The following CHD6 variants were observed in gnomAD, a reference collection of about 807,000 sequenced individuals.
CHD6 encodes the protein ATP-dependent chromatin remodeler CHD6.
A neutral mutation model predicts 276.9 loss-of-function variants in CHD6; 50 were observed. The observed-to-expected ratio is 0.18, with a 90% confidence interval of 0.14 to 0.23. The LOEUF (loss-of-function observed/expected upper bound fraction) is 0.23, where lower values mean the gene tolerates loss of function less well. Ranked by LOEUF, CHD6 falls within the 10% of genes least tolerant of loss-of-function variation. The pLI, the probability that CHD6 is intolerant of heterozygous loss-of-function variation, is 1.00. For synonymous variants in CHD6, 1,173 were observed against 1,229.3 expected, an observed-to-expected ratio of 0.95 and a Z score of 0.96; for missense variants, 2,564 against 3,365.8, an observed-to-expected ratio of 0.76 and a Z score of 5.89.
chr20:41,439,949 A>C, intron 26 of CHD6, 51 bp downstream of exon 26: 4 of 1,597,880 alleles, frequency 2.5e-6, no homozygotes, highest in Non-Finnish European at 3.4e-6. Context: ...AAGGGGTCAC[A>C]GATCAGTGGC....
intron 20 of CHD6, among the ~76,000 whole-genome samples, chr20:41,453,587 C>T (rs1410687739): frequency 1.3e-5 from 2 of 152,144 alleles, no homozygotes; most frequent in South Asian, 2.1e-4. Flanking sequence ...CTGACTACTC[C>T]TCCACACAGC....
chr20:41,477,583 C>T (rs1185655832), intron 16 of CHD6, among the ~76,000 whole-genome samples: 3 of 152,082 alleles, frequency 2.0e-5, no homozygotes, highest in Admixed American at 6.6e-5. Context: ...TCTTTGATCT[C>T]TCCAAACCTC....
chr20:41,595,874 G>C (rs549363677), intron 1 of CHD6, among the ~76,000 whole-genome samples: 1 of 151,800 alleles, frequency 6.6e-6, no homozygotes, highest in African/African-American at 2.4e-5. Flanking sequence ...AATGACAAAA[G>C]TCCTGTCTCC....
At chr20:41,539,604 G>A (rs2044901218) in intron 2 of CHD6, among the ~76,000 whole-genome samples, 1 of 152,218 alleles carries the variant, frequency 6.6e-6, no homozygotes. Flanking sequence ...CCACTGCCCA[G>A]GGAGTGACCT....
intron 1 of CHD6, among the ~76,000 whole-genome samples, chr20:41,606,653 C>A (rs188409375): frequency 8.7e-4 from 124 of 142,904 alleles, no homozygotes; most frequent in African/African-American, 3.2e-3. Context: ...TCAGCCTGGG[C>A]AACAGAGCAA....
In CHD6 at chr20:41,571,960, C is replaced by T. The variant is rs142872256; in HGVS notation, c.-23-20600G>A. ...CTTTTCCCCAAAAGTAACCACTAGCCTGACTTCTAACAATGTAGATTAGTT... is the reference window on the plus strand; with the variant it reads ...CTTTTCCCCAAAAGTAACCACTAGCTTGACTTCTAACAATGTAGATTAGTT... On this transcript the variant is annotated intron_variant, in intron 1 of 36. Transcript: ENST00000373233. Among the ~76,000 whole-genome samples, 80 of 152,340 alleles carry T rather than the reference C, an allele frequency of 5.3e-4. No individual in the cohort carries two copies. In the East Asian group the frequency reaches 0.012, roughly 24 times the overall value.
intron 18 of CHD6, 106 bp from the exon 19 acceptor site, chr20:41,456,085 A>G (rs2048369671): frequency 9.3e-7 from 1 of 1,080,884 alleles, no homozygotes; most frequent in Admixed American, 2.8e-5. Flanking sequence ...CATGAACTAC[A>G]TGTTAGAACA....
intron 16 of CHD6, among the ~76,000 whole-genome samples, chr20:41,480,950 T>C (rs2043281353): frequency 6.6e-6 from 1 of 151,976 alleles, no homozygotes; most frequent in Non-Finnish European, 1.5e-5. Context: ...GAAGAAGCCA[T>C]AAACATGAAA....
At chr20:41,599,248 G>A (rs556362421) in intron 1 of CHD6, among the ~76,000 whole-genome samples, 171 of 152,308 alleles carry the variant, frequency 1.1e-3, no homozygotes, top group Non-Finnish European at 1.7e-3. Flanking sequence ...AAAGGTGGGA[G>A]TCTGTGTCAT....
Position 41,413,549 on chromosome 20 carries a change from G to T in CHD6, c.6940-34C>A. 2.1e-6 allele frequency: 3 copies of T among 1,432,698 alleles called. No individual in the cohort carries two copies. The South Asian group carries it at 4.2e-5, about 20-fold the overall frequency. 88.7% of individuals were successfully genotyped at this position (1,432,698 alleles called of 1,614,324 possible). On this transcript the variant is annotated intron_variant, in intron 34 of 36. Coordinates refer to ENST00000373233, the MANE Select transcript of CHD6 (RefSeq NM_032221.5). ...AGGAAAAACGAGTATGTATAATCAC[G>T]ACACAATGAAAATTAGTTTCTAAAG...
chr20:41,538,703 G>A (rs2044883049), intron 2 of CHD6, among the ~76,000 whole-genome samples: 1 of 152,176 alleles, frequency 6.6e-6, no homozygotes, highest in African/African-American at 2.4e-5. Flanking sequence ...AAATATTGCT[G>A]GCAAGAGTAT....
intron 3 of CHD6, 97 bp downstream of exon 3, chr20:41,532,953 G>GC: frequency 7.4e-7 from 1 of 1,354,600 alleles, no homozygotes; most frequent in Non-Finnish European, 9.9e-7. Context: ...CCACAGGAGT[G>GC]CAGCAGGGTT....
intron 1 of CHD6, among the ~76,000 whole-genome samples, chr20:41,554,783 T>G (rs2045196949): frequency 6.6e-6 from 1 of 152,150 alleles, no homozygotes; most frequent in South Asian, 2.1e-4. Flanking sequence ...TCTACCTCTT[T>G]CTACACAGAC....
chr20:41,476,304 T>A (rs1168355786), intron 16 of CHD6, among the ~76,000 whole-genome samples: 3 of 151,980 alleles, frequency 2.0e-5, no homozygotes, highest in Non-Finnish European at 4.4e-5. Flanking sequence ...TAATTCTGAG[T>A]CACTATCAAA....
intron 11 of CHD6, among the ~76,000 whole-genome samples, chr20:41,491,466 CAA>C (rs1288433854): frequency 7.1e-6 from 1 of 140,156 alleles, no homozygotes. Flanking sequence ...TGTGGCTGGC[CAA>C]AAAAAAAAGG....
At chr20:41,604,968 A>G (rs976675932) in intron 1 of CHD6, among the ~76,000 whole-genome samples, 28 of 152,264 alleles carry the variant, frequency 1.8e-4, no homozygotes, top group African/African-American at 6.7e-4. Flanking sequence ...TTCATGGGAA[A>G]ATTTTAAAAA....
rs549850550 is a variant in CHD6 at position 41,612,405 on chromosome 20, C to T, written c.-24+5935G>A. On this transcript the variant is annotated intron_variant, in intron 1 of 36. Transcript: ENST00000373233. ...TGTTAATTCCATTAAGCAAAATACC[C>T]CTAAATCCCTTAAGTGATATTATAC... 7.9e-5 allele frequency among the ~76,000 whole-genome samples: 12 copies of T among 152,274 alleles called. 1 individual carries two copies. Among genetic ancestry groups the T allele is most frequent in the Middle Eastern group, 6.8e-3 (2 of 294 alleles).
chr20:41,405,263 G>A lies in CHD6; in HGVS notation c.7478C>T (p.Thr2493Ile). The change falls in exon 37 of 37, where the codon ACC becomes ATC. Residue 2493 changes from threonine to isoleucine, a missense_variant. Physicochemically the swap from Thr to Ile is moderately conservative, Grantham distance 89 (BLOSUM62 -1). Coordinates refer to ENST00000373233, the MANE Select transcript of CHD6 (RefSeq NM_032221.5). ...GCCAGCTGGAAACCCCACCAGCCCG[G>A]TGAGGGGGATGCCTGGCATATTTCT... Reference protein sequence around the residue: ...NMRNMPGIPLTGLVGFPAGFA... With the variant: ...NMRNMPGIPLIGLVGFPAGFA... 6.2e-7 allele frequency: 1 copy of A among 1,614,206 alleles called. No individual in the cohort carries two copies.
chr20:41,522,646 GCACGCGTGCGCGCA>G, intron 3 of CHD6, among the ~76,000 whole-genome samples: 1 of 151,800 alleles, frequency 6.6e-6, no homozygotes, highest in Admixed American at 6.6e-5. Flanking sequence ...AAACATGCGC[GCACGCGTGCGCGCA>G]CACACACATA....
Sources: allele counts gnomAD v4.1 joint callset (sites outside exome capture counted in the v4.1 genomes callset), GRCh38; gene constraint gnomAD v4.1.1; transcripts MANE v1.5; gene names NCBI Gene and HGNC (gene_info 2026-07-23, HGNC 2026-07-21).